MED12L: variants seen among roughly 807,000 people sequenced by gnomAD.
MED12L encodes the protein mediator complex subunit 12L.
MED12L carries 60 observed loss-of-function variants against 281.3 expected under a neutral mutation model. That is an observed-to-expected ratio of 0.21 (90% confidence interval 0.17 to 0.26). MED12L has a LOEUF of 0.26. MED12L is among the 10% of genes least tolerant of loss of function. The probability of loss-of-function intolerance (pLI) is 1.00; values close to 1 mark genes in which losing one functional copy is unlikely to be tolerated. For synonymous variants in MED12L, 974 were observed against 987.2 expected (o/e 0.99, Z 0.25); for missense variants, 2,146 against 2,680.9 (o/e 0.80, Z 4.41).
chr3:151,293,623 C>CTAAAATG (rs1349059355), intron 16 of MED12L, among the ~76,000 whole-genome samples: 1 of 48,306 alleles, frequency 2.1e-5, no homozygotes, highest in Non-Finnish European at 4.3e-5. Context: ...ACACACGGTC[C>CTAAAATG]TAAAATGAAG....
rs2276761 is a variant in MED12L at position 151,387,919 on chromosome 3, G to A, written c.5198G>A (p.Arg1733Gln). ...TGGTTTGGGACAGTCCGAGTGGACCGAAGAGTGATCAAGTACGAGGAGCAG... is the reference window on the plus strand; with the variant it reads ...TGGTTTGGGACAGTCCGAGTGGACCAAAGAGTGATCAAGTACGAGGAGCAG... The part of the protein sequence containing the change: ...WAWFGTVRVD[R>Q]RVIKYEEQHH... The change falls in exon 37 of 45, where the codon CGA (arginine) becomes CAA (glutamine). Residue 1733 changes from arginine (R) to glutamine (Q), a missense_variant. This residue lies in a region of MED12L where 496 missense variants were observed against 512.0 expected (regional missense o/e 0.97). Transcript: ENST00000687756. 747 of 1,614,088 alleles carry A rather than the reference G, an allele frequency of 4.6e-4. 8 individuals carry two copies. In the East Asian group the frequency reaches 0.015, roughly 32 times the overall value.
chr3:151,300,345 G>A (rs1324757071), intron 16 of MED12L: 2 of 575,972 alleles, frequency 3.5e-6, no homozygotes, highest in East Asian at 2.9e-5. Flanking sequence ...ACACAGAGTT[G>A]CCCTCTTTCA....
intron 16 of MED12L, among the ~76,000 whole-genome samples, chr3:151,263,291 G>A (rs1739240339): frequency 6.6e-6 from 1 of 152,134 alleles, no homozygotes; most frequent in Non-Finnish European, 1.5e-5. Flanking sequence ...CCAGCTGAGT[G>A]GACCTCCCCA....
At chr3:151,170,649 C>A (rs1032830715) in intron 11 of MED12L, among the ~76,000 whole-genome samples, 3 of 152,132 alleles carry the variant, frequency 2.0e-5, no homozygotes, top group Non-Finnish European at 2.9e-5. Flanking sequence ...GTTTCTGTGT[C>A]TGGGCTTTTG....
At chr3:151,280,103 A>G (rs539153312) in intron 16 of MED12L, among the ~76,000 whole-genome samples, 158 of 152,334 alleles carry the variant, frequency 1.0e-3, no homozygotes, top group Non-Finnish European at 1.1e-3. Flanking sequence ...CAGGAGTTGC[A>G]AAGTCCAAGG....
At chr3:151,279,253 G>C (rs1323504648) in intron 16 of MED12L, among the ~76,000 whole-genome samples, 1 of 152,116 alleles carries the variant, frequency 6.6e-6, no homozygotes, top group Non-Finnish European at 1.5e-5. Context: ...CCAAATTATG[G>C]GTAACAACTA....
chr3:151,329,089 C>A, intron 16 of MED12L: 2 of 1,029,500 alleles, frequency 1.9e-6, no homozygotes, highest in South Asian at 3.2e-5. Flanking sequence ...TAAAAACAGA[C>A]TTTATGTTTA....
chr3:151,359,850 T>G (rs1431051931), intron 20 of MED12L, among the ~76,000 whole-genome samples: 1 of 152,120 alleles, frequency 6.6e-6, no homozygotes, highest in Non-Finnish European at 1.5e-5. Context: ...GACTTCTGTG[T>G]TGTATGGACT....
chr3:151,325,589 A>T (rs539269538), intron 16 of MED12L, among the ~76,000 whole-genome samples: 5 of 152,178 alleles, frequency 3.3e-5, no homozygotes, highest in Admixed American at 6.5e-5. Flanking sequence ...AGATCTCTCT[A>T]CTATGCCTCT....
In MED12L at chr3:151,385,131, T is replaced by C. The variant is rs1168496882; in HGVS notation, c.5028T>C (p.Gly1676=). Residue 1676 remains glycine, a synonymous_variant, in exon 36 of 45, where the codon GGT becomes GGC. Transcript: ENST00000687756. ...ATGTCATCACTTGTGAACCTATGGG[T>C]TCCTTGATTGACACAAAAGGAAACA... ...TCDVITCEPM[G]SLIDTKGNKI... is the part of the protein sequence containing the mutation. The C allele has an allele frequency of 1.2e-6, 2 of 1,610,458 alleles. No homozygotes were observed. Among genetic ancestry groups the C allele is most frequent in the Admixed American group, 1.7e-5 (1 of 59,380 alleles).
At chr3:151,140,233 T>A (rs1408861058) in intron 5 of MED12L, among the ~76,000 whole-genome samples, 4 of 152,232 alleles carry the variant, frequency 2.6e-5, no homozygotes, top group African/African-American at 9.6e-5. Context: ...ATGCAAATTT[T>A]CCCTATTTAC....
At position 151,159,977 on chromosome 3, in the gene MED12L, G is replaced by A; in HGVS notation, c.983G>A (p.Ser328Asn). Residue 328 changes from serine (S) to asparagine (N), a missense_variant, in exon 8 of 45, where the codon AGT (serine) becomes AAT (asparagine). Transcript: ENST00000687756. ...ATGATGATAGGACCAAACAACTCGA[G>A]TATCGGGGCCCCCAGCCCTGGCCCC... ...PHMMIGPNNS[S>N]IGAPSPGPPG... The A allele has an allele frequency of 1.2e-6, 2 of 1,614,220 alleles. No individual in the cohort carries two copies. Among genetic ancestry groups the A allele is most frequent in the Non-Finnish European group, 8.5e-7 (1 of 1,180,038 alleles).
chr3:151,086,480 G>GTT lies in MED12L; in HGVS notation c.-129-302_-129-301dup, dbSNP rs549111086. On this transcript the variant is annotated intron_variant, in intron 1 of 44. Coordinates refer to ENST00000687756, the MANE Select transcript of MED12L (RefSeq NM_001393769.1). Reference sequence around the variant, plus strand: ...GCCACCAGCCTAGGCGCCAAGAAAAGTTTTTTTTTTTTTTTTTCCAGTGCC... The same window carrying GTT: ...GCCACCAGCCTAGGCGCCAAGAAAAGTTTTTTTTTTTTTTTTTTTCCAGTGCC... 1.1e-3 allele frequency: 163 copies of GTT among 142,672 alleles called. 1 individual carries two copies. Among genetic ancestry groups the GTT allele is most frequent in the African/African-American group, 1.4e-3 (55 of 39,210 alleles). 8.8% of individuals were successfully genotyped at this position (142,672 alleles called of 1,614,324 possible). A position where few individuals can be genotyped will look rare whatever the true frequency, so the allele number is the denominator to read the frequency against.
At chr3:151,186,495 C>T (rs1011109899) in intron 12 of MED12L, among the ~76,000 whole-genome samples, 1 of 152,174 alleles carries the variant, frequency 6.6e-6, no homozygotes, top group African/African-American at 2.4e-5. Context: ...GGTCACAGCT[C>T]CATTCACCTT....
At chr3:151,313,078 C>T (rs931122914) in intron 16 of MED12L, among the ~76,000 whole-genome samples, 1 of 152,112 alleles carries the variant, frequency 6.6e-6, no homozygotes. Flanking sequence ...TGTGCTGTCG[C>T]TGGAGTGCTA....
chr3:151,413,431 T>C, intron 42 of MED12L, 136 bp downstream of exon 42: 6 of 1,053,898 alleles, frequency 5.7e-6, no homozygotes, highest in Non-Finnish European at 6.8e-6. Context: ...TGCTAGGAGC[T>C]ACATTGGTAC....
At chr3:151,178,890 G>A (rs978747776) in intron 11 of MED12L, among the ~76,000 whole-genome samples, 21 of 152,202 alleles carry the variant, frequency 1.4e-4, no homozygotes, top group Admixed American at 6.5e-4. Context: ...TAATCTGCAA[G>A]TTATTTTATA....
intron 16 of MED12L, among the ~76,000 whole-genome samples, chr3:151,233,767 G>A (rs2149339704): frequency 6.6e-6 from 1 of 152,316 alleles, no homozygotes; most frequent in South Asian, 2.1e-4. Flanking sequence ...GCACCGACTT[G>A]AGAGCGAGAG....
chr3:151,244,866 C>T (rs1035791321), intron 16 of MED12L, among the ~76,000 whole-genome samples: 52 of 151,880 alleles, frequency 3.4e-4, no homozygotes, highest in Middle Eastern at 3.4e-3. Context: ...ATTGATAGAC[C>T]GCTAGCAAGA....
Sources: gnomAD v4.1 joint callset for allele counts (sites outside exome capture counted in the v4.1 genomes callset) on GRCh38, gnomAD v4.1.1 for gene constraint, gnomAD v4.1.1 regional missense constraint, MANE v1.5 for transcripts, NCBI Gene and HGNC (gene_info 2026-07-23, HGNC 2026-07-21) for gene names.